TNNI2: variants seen among roughly 807,000 people sequenced by gnomAD.
The protein encoded by TNNI2 is troponin I, fast skeletal muscle.
Under a neutral mutation model 26.5 loss-of-function variants are expected in TNNI2, and 14 were observed. The ratio of observed to expected loss-of-function variants is 0.53; its 90% CI spans 0.35 to 0.83. The LOEUF is 0.83. TNNI2 is among the 40% of genes least tolerant of loss of function. The pLI is 0.01. For missense variants in TNNI2, 205 were observed against 248.5 expected, an observed-to-expected ratio of 0.82 and a Z score of 1.18; for synonymous variants, 126 against 97.6, an observed-to-expected ratio of 1.29 and a Z score of -1.71.
At position 1,840,554 on chromosome 11, in the gene TNNI2, G is replaced by C. The variant is rs549948677; in HGVS notation, c.84G>C (p.Thr28=). The C allele has an allele frequency of 6.2e-7, 1 of 1,612,406 alleles. No individual in the cohort carries two copies. The highest frequency in any genetic ancestry group is 1.1e-5 in the South Asian group (1 of 91,084). The change falls in exon 5 of 8, where the codon ACG becomes ACC. Residue 28 remains threonine (T), a synonymous_variant. Transcript: ENST00000381911. ...LKSVMLQIAA[T]ELEKEESRRE... is the part of the protein sequence containing the mutation. The stretch of plus-strand genomic sequence containing the variant: ...GTGTGATGCTGCAGATAGCGGCCAC[G>C]GAGCTGGAGAAGGAGGAGAGCCGCC...
chr11:1,839,479 C>A, intron 1 of TNNI2, 196 bp from the exon 2 acceptor site: 1 of 521,118 alleles, frequency 1.9e-6, no homozygotes, highest in Admixed American at 2.9e-5. Flanking sequence ...AACACTTTCT[C>A]CTCTTACTTC....
chr11:1,841,127 G>A lies in TNNI2; in HGVS notation c.373G>A (p.Ala125Thr). Residue 125 changes from alanine (A) to threonine (T), a missense_variant, in exon 7 of 8, where the codon GCC becomes ACC. Physicochemically the swap from Ala to Thr is moderately conservative, Grantham distance 58. Coordinates refer to ENST00000381911, the MANE Select transcript of TNNI2 (RefSeq NM_003282.4). ...CATGTCGGCCGATGCCATGCTCAAG[G>A]CCCTGCTGGGCTCGAAGCACAAGGT... ...VRMSADAMLK[A>T]LLGSKHKVCM... The A allele has an allele frequency of 1.9e-6, 3 of 1,613,300 alleles. No individual in the cohort carries two copies. The highest frequency in any genetic ancestry group is 2.5e-6 in the Non-Finnish European group (3 of 1,179,980).
chr11:1,839,393 G>A (rs1308418414), intron 1 of TNNI2: 2 of 503,328 alleles, frequency 4.0e-6, no homozygotes, highest in Non-Finnish European at 7.2e-6. Flanking sequence ...CACTCAGGCG[G>A]CCACCTGCGC....
rs1471121251 is a variant in TNNI2 at position 1,841,587 on chromosome 11, G to C, written c.*36G>C. 2 of 1,596,468 alleles carry C rather than the reference G, an allele frequency of 1.3e-6. No homozygotes were observed. Among genetic ancestry groups the C allele is most frequent in the Non-Finnish European group, 8.6e-7 (1 of 1,164,910 alleles). On this transcript the variant is annotated 3_prime_UTR_variant, in exon 8 of 8. Transcript: ENST00000381911. ...GCCCCTACGCCTGCCCCGGTGCCCG[G>C]CTCCCAGCAGAACATACTAGGGAGA...
chr11:1,840,351 G>A (rs1258521623), intron 3 of TNNI2, 52 bp from the exon 4 acceptor site: 1 of 1,575,054 alleles, frequency 6.3e-7, no homozygotes, highest in Admixed American at 1.9e-5. Context: ...AGGGGGTGGG[G>A]GTGCTCCAGG....
At chr11:1,840,297 C>A in intron 3 of TNNI2, 106 bp from the exon 4 acceptor site, 1 of 1,546,078 alleles carries the variant, frequency 6.5e-7, no homozygotes, top group Non-Finnish European at 8.7e-7. Flanking sequence ...CCAGGCTCTG[C>A]TGGTCCCGGA....
chr11:1,841,292 A>C, intron 7 of TNNI2, 85 bp downstream of exon 7: 1 of 1,575,084 alleles, frequency 6.3e-7, no homozygotes, highest in Non-Finnish European at 8.6e-7. Flanking sequence ...ACCACCTCCC[A>C]CACCTGCCCT....
intron 3 of TNNI2, 63 bp downstream of exon 3, chr11:1,839,918 C>A: frequency 1.2e-6 from 2 of 1,608,168 alleles, no homozygotes; most frequent in South Asian, 2.2e-5. Context: ...CAGCATAGGT[C>A]ATAGGTCACA....
At chr11:1,841,271 C>T (rs1008581391) in intron 7 of TNNI2, 64 bp downstream of exon 7, 9 of 1,590,964 alleles carry the variant, frequency 5.7e-6, no homozygotes, top group Admixed American at 1.7e-5. Context: ...CCACACCTGC[C>T]CCGCCTGGGG....
Position 1,841,132 on chromosome 11 carries a change from G to T in TNNI2, c.378G>T (p.Leu126=), listed in dbSNP as rs746641995. The change falls in exon 7 of 8, where the codon CTG becomes CTT. Residue 126 remains leucine (L), a synonymous_variant. Coordinates refer to ENST00000381911, the MANE Select transcript of TNNI2 (RefSeq NM_003282.4). Reference sequence around the variant, plus strand: ...CGGCCGATGCCATGCTCAAGGCCCTGCTGGGCTCGAAGCACAAGGTGTGCA... The same window carrying T: ...CGGCCGATGCCATGCTCAAGGCCCTTCTGGGCTCGAAGCACAAGGTGTGCA... ...RMSADAMLKA[L]LGSKHKVCMD... 1 of 1,613,284 alleles carries T rather than the reference G, an allele frequency of 6.2e-7. No homozygotes were observed. Among genetic ancestry groups the T allele is most frequent in the East Asian group, 2.2e-5 (1 of 44,886 alleles).
At chr11:1,839,969 C>A in intron 3 of TNNI2, 114 bp downstream of exon 3, 1 of 1,500,242 alleles carries the variant, frequency 6.7e-7, no homozygotes, top group South Asian at 1.2e-5. Context: ...GCCTGGCCCT[C>A]CCCGCTGGCA....
In TNNI2 at chr11:1,839,667, C is replaced by A. The variant is rs1847119738; in HGVS notation, c.-22-8C>A. The A allele has an allele frequency of 1.2e-6, 2 of 1,613,616 alleles. No individual in the cohort carries two copies. The highest frequency in any genetic ancestry group is 1.7e-6 in the Non-Finnish European group (2 of 1,179,902). On this transcript the variant is annotated splice_region_variant and splice_polypyrimidine_tract_variant and intron_variant, in intron 1 of 7. Transcript: ENST00000381911. The stretch of plus-strand genomic sequence containing the variant: ...CTGGCCAACACCTCTGTCTTCCTCT[C>A]CCCACAGGCTCCAAGCTCAGGACCT...
At chr11:1,839,080 C>G (rs1206486951) in intron 1 of TNNI2, 47 bp downstream of exon 1, 1 of 151,694 alleles carries the variant, frequency 6.6e-6, no homozygotes, top group Non-Finnish European at 1.5e-5. Context: ...GGGCGTGGCT[C>G]GAGCTGGTTT....
rs770846646 is a variant in TNNI2, at chr11:1,839,650, C to T, written c.-22-25C>T. On this transcript the variant is annotated intron_variant, in intron 1 of 7. Coordinates refer to ENST00000381911, the MANE Select transcript of TNNI2 (RefSeq NM_003282.4). Reference sequence around the variant, plus strand: ...ATCACGGTGGCAAGGGCCTGGCCAACACCTCTGTCTTCCTCTCCCCACAGG... The same window carrying T: ...ATCACGGTGGCAAGGGCCTGGCCAATACCTCTGTCTTCCTCTCCCCACAGG... 5 of 1,612,982 alleles carry T rather than the reference C, an allele frequency of 3.1e-6. No homozygotes were observed. The East Asian group carries it at 8.9e-5, about 29-fold the overall frequency.
rs776540696 is a variant in TNNI2 at position 1,841,177 on chromosome 11, G to A, written c.423G>A (p.Leu141=). The part of the protein sequence containing the change: ...HKVCMDLRAN[L]KQVKKEDTEK... Reference sequence around the variant, plus strand: ...TGTGCATGGACCTGAGGGCCAACCTGAAGCAGGTCAAGAAGGAGGACACAG... The same window carrying A: ...TGTGCATGGACCTGAGGGCCAACCTAAAGCAGGTCAAGAAGGAGGACACAG... Residue 141 remains leucine (L), a synonymous_variant, in exon 7 of 8, where the codon CTG becomes CTA. Coordinates refer to ENST00000381911, the MANE Select transcript of TNNI2 (RefSeq NM_003282.4). The A allele has an allele frequency of 5.0e-6, 8 of 1,613,124 alleles. No homozygotes were observed. Among genetic ancestry groups the A allele is most frequent in the Non-Finnish European group, 5.9e-6 (7 of 1,179,970 alleles).
At chr11:1,840,968 G>C (rs1847162319) in intron 6 of TNNI2, 60 bp downstream of exon 6, 1 of 1,576,570 alleles carries the variant, frequency 6.3e-7, no homozygotes, top group Admixed American at 1.9e-5. Context: ...GGGCAGGCGG[G>C]GCGGGCCGGG....
rs1847146328 is a variant in TNNI2 at position 1,840,603 on chromosome 11, C to T, written c.133C>T (p.Leu45=). Residue 45 remains leucine, a synonymous_variant, in exon 5 of 8, where the codon CTG becomes TTG. Transcript: ENST00000381911. Reference sequence around the variant, plus strand: ...CCGTGAGGCAGAGAAGCAGAACTACCTGGCGGAGCACTGCCCGCCGCTGCA... The same window carrying T: ...CCGTGAGGCAGAGAAGCAGAACTACTTGGCGGAGCACTGCCCGCCGCTGCA... The part of the protein sequence containing the change: ...SRREAEKQNY[L]AEHCPPLHIP... 1.2e-6 allele frequency: 2 copies of T among 1,612,664 alleles called. No individual in the cohort carries two copies. Among genetic ancestry groups the T allele is most frequent in the Admixed American group, 1.7e-5 (1 of 60,008 alleles).
In TNNI2 at chr11:1,841,585, C is replaced by T. The variant is rs758900679; in HGVS notation, c.*34C>T. 23 of 1,599,736 alleles carry T rather than the reference C, an allele frequency of 1.4e-5. No homozygotes were observed. Among genetic ancestry groups the T allele is most frequent in the East Asian group, 8.9e-5 (4 of 44,750 alleles). On this transcript the variant is annotated 3_prime_UTR_variant, in exon 8 of 8. Coordinates refer to ENST00000381911, the MANE Select transcript of TNNI2 (RefSeq NM_003282.4). ...CTGCCCCTACGCCTGCCCCGGTGCCCGGCTCCCAGCAGAACATACTAGGGA... is the reference window on the plus strand; with the variant it reads ...CTGCCCCTACGCCTGCCCCGGTGCCTGGCTCCCAGCAGAACATACTAGGGA...
At chr11:1,840,370 C>T (rs769172241) in intron 3 of TNNI2, 33 bp from the exon 4 acceptor site, 46 of 1,597,094 alleles carry the variant, frequency 2.9e-5, no homozygotes, top group Non-Finnish European at 3.9e-5. Flanking sequence ...GGCCTGGAGG[C>T]CCTGACTCGA....
Sources: gnomAD v4.1 joint callset for allele counts on GRCh38, gnomAD v4.1.1 for gene constraint, MANE v1.5 for transcripts, NCBI Gene and HGNC (gene_info 2026-07-23, HGNC 2026-07-21) for gene names.